The following FXYD6 variants were observed in gnomAD, a reference collection of about 807,000 sequenced individuals.
FXYD6 encodes FXYD domain-containing ion transport regulator 6.
FXYD6 carries 7 observed loss-of-function variants against 16.7 expected under a neutral mutation model. The ratio of observed to expected loss-of-function variants is 0.42; its 90% confidence interval spans 0.24 to 0.79. FXYD6 has a LOEUF of 0.79. Ranked by LOEUF, FXYD6 falls within the 30% of genes least tolerant of loss-of-function variation. FXYD6 has a pLI of 0.28. For synonymous variants in FXYD6, 49 were observed against 43.0 expected, an observed-to-expected ratio of 1.14 and a Z score of -0.54; for missense variants, 111 against 116.2, an observed-to-expected ratio of 0.95 and a Z score of 0.21.
intron 1 of FXYD6, among the ~76,000 whole-genome samples, chr11:117,863,731 A>AT (rs2056957289): frequency 1.3e-5 from 2 of 152,218 alleles, no homozygotes; most frequent in African/African-American, 4.8e-5. Flanking sequence ...AAGATCACAC[A>AT]TAAAAACTGT....
intron 1 of FXYD6, among the ~76,000 whole-genome samples, chr11:117,874,504 A>G (rs1458569886): frequency 1.3e-5 from 2 of 152,142 alleles, no homozygotes; most frequent in Non-Finnish European, 2.9e-5. Context: ...GGGTAGCCCT[A>G]ACTTTCGCTT....
At chr11:117,873,887 G>A (rs189150458) in intron 1 of FXYD6, among the ~76,000 whole-genome samples, 10 of 152,190 alleles carry the variant, frequency 6.6e-5, no homozygotes, top group African/African-American at 2.2e-4. Context: ...GGTTGTACCC[G>A]CCCACTAAGG....
At chr11:117,844,127 C>A (rs2056419901) in intron 1 of FXYD6, 1 of 152,526 alleles carries the variant, frequency 6.6e-6, no homozygotes, top group African/African-American at 2.4e-5. Context: ...CGGCCTTGAG[C>A]AAGCAGCCGC....
chr11:117,867,886 C>A (rs1490151912), intron 1 of FXYD6, among the ~76,000 whole-genome samples: 2 of 152,074 alleles, frequency 1.3e-5, no homozygotes, highest in Non-Finnish European at 2.9e-5. Flanking sequence ...GCCTGGAAAT[C>A]AACTCAGCCA....
At chr11:117,855,924 G>T (rs1045420467) in intron 1 of FXYD6, among the ~76,000 whole-genome samples, 1 of 152,230 alleles carries the variant, frequency 6.6e-6, no homozygotes, top group African/African-American at 2.4e-5. Flanking sequence ...CCCATCTGGA[G>T]AATGGAACCA....
intron 1 of FXYD6, among the ~76,000 whole-genome samples, chr11:117,850,547 T>G (rs1437716440): frequency 6.6e-6 from 1 of 152,288 alleles, no homozygotes; most frequent in East Asian, 1.9e-4. Context: ...TTTAATTTAC[T>G]TATTGTGACT....
At chr11:117,847,402 T>C (rs1231642662) in intron 1 of FXYD6, among the ~76,000 whole-genome samples, 3 of 152,262 alleles carry the variant, frequency 2.0e-5, no homozygotes, top group South Asian at 4.1e-4. Context: ...TTAGGGTACA[T>C]GTGCACAACG....
chr11:117,842,045 T>A lies in FXYD6; in HGVS notation c.59-17A>T. 1 of 1,614,080 alleles carries A rather than the reference T, an allele frequency of 6.2e-7. No homozygotes were observed. The highest frequency in any genetic ancestry group is 8.5e-7 in the Non-Finnish European group (1 of 1,180,024). On this transcript the variant is annotated splice_polypyrimidine_tract_variant and intron_variant, in intron 2 of 7. Coordinates refer to ENST00000526014, the MANE Select transcript of FXYD6 (RefSeq NM_022003.4). ...TTTCAGCTGCTGCAAAAACAAACAG[T>A]TGGTCAAGAGAAAGAAAGCTACACA...
chr11:117,842,177 G>A, intron 2 of FXYD6, 149 bp from the exon 3 acceptor site: 1 of 1,199,948 alleles, frequency 8.3e-7, no homozygotes, highest in Non-Finnish European at 1.2e-6. Flanking sequence ...TGCACGGTAG[G>A]GCGGGCCTGC....
chr11:117,865,683 T>A (rs749892092), intron 1 of FXYD6, among the ~76,000 whole-genome samples: 42 of 152,062 alleles, frequency 2.8e-4, no homozygotes, highest in Non-Finnish European at 4.3e-4. Flanking sequence ...CCCAGCACTT[T>A]GGGAGACCAA....
chr11:117,858,507 ACCC>A (rs2056788715), intron 1 of FXYD6, among the ~76,000 whole-genome samples: 1 of 151,226 alleles, frequency 6.6e-6, no homozygotes, highest in South Asian at 2.1e-4. Context: ...TCAGCCTCAC[ACCC>A]CCAACTTTGT....
intron 1 of FXYD6, among the ~76,000 whole-genome samples, chr11:117,860,222 C>A (rs2056873189): frequency 6.6e-6 from 1 of 152,082 alleles, no homozygotes; most frequent in Non-Finnish European, 1.5e-5. Context: ...TTGGGCCCCA[C>A]CTCACAGGGA....
chr11:117,844,431 C>G (rs945012718), intron 1 of FXYD6, among the ~76,000 whole-genome samples: 1 of 152,124 alleles, frequency 6.6e-6, no homozygotes, highest in Non-Finnish European at 1.5e-5. Flanking sequence ...TCCCTCCACC[C>G]CATCCCCCTG....
At chr11:117,866,621 C>T (rs907233796) in intron 1 of FXYD6, among the ~76,000 whole-genome samples, 1 of 152,330 alleles carries the variant, frequency 6.6e-6, no homozygotes, top group African/African-American at 2.4e-5. Flanking sequence ...CTGTTCCCAG[C>T]GATGCCCCAT....
chr11:117,856,243 C>T (rs1309275600), intron 1 of FXYD6, among the ~76,000 whole-genome samples: 2 of 152,188 alleles, frequency 1.3e-5, no homozygotes, highest in East Asian at 3.8e-4. Context: ...GATATAGCAA[C>T]ATGCTCTATT....
intron 1 of FXYD6, among the ~76,000 whole-genome samples, chr11:117,868,612 A>G (rs1439098815): frequency 2.0e-5 from 3 of 152,192 alleles, no homozygotes; most frequent in African/African-American, 4.8e-5. Flanking sequence ...GAAAAAGGAC[A>G]TAAGGTACAA....
chr11:117,876,063 C>G (rs1266574651), intron 1 of FXYD6, among the ~76,000 whole-genome samples: 3 of 152,276 alleles, frequency 2.0e-5, no homozygotes, highest in East Asian at 3.9e-4. Context: ...TAGAATCCTT[C>G]TTTCCCTGCG....
At chr11:117,842,584 G>C in intron 2 of FXYD6, 135 bp downstream of exon 2, 1 of 865,768 alleles carries the variant, frequency 1.2e-6, no homozygotes, top group Non-Finnish European at 1.8e-6. Context: ...TGACTGAAGG[G>C]AGAGGCCCCT....
chr11:117,858,697 TTCTTTC>T (rs1178193667), intron 1 of FXYD6, among the ~76,000 whole-genome samples: 2,582 of 56,120 alleles, frequency 0.046, 148 homozygotes, highest in Admixed American at 0.067. Context: ...CTTTCTTTCT[TTCTTTC>T]TCTCTCTCTC....
Sources: allele counts gnomAD v4.1 joint callset (sites outside exome capture counted in the v4.1 genomes callset), GRCh38; gene constraint gnomAD v4.1.1; transcripts MANE v1.5; gene names NCBI Gene and HGNC (gene_info 2026-07-23, HGNC 2026-07-21).